HSD17B1: variants seen among roughly 807,000 people sequenced by gnomAD.
HSD17B1 encodes 17-beta-hydroxysteroid dehydrogenase type 1.
HSD17B1 carries 16 observed loss-of-function variants against 22.7 expected under a neutral mutation model. That is an observed-to-expected ratio of 0.71 (90% confidence interval 0.48 to 1.07). HSD17B1 has a LOEUF of 1.07. Among genes scored for constraint, HSD17B1 ranks in the 50% least tolerant of loss-of-function variants. HSD17B1 has a pLI of 0.00. For synonymous variants in HSD17B1, 243 were observed against 211.0 expected (o/e 1.15, Z -1.31); for missense variants, 533 against 459.9 (o/e 1.16, Z -1.45).
intron 4 of HSD17B1, 124 bp downstream of exon 4, chr17:42,554,011 G>C: frequency 3.4e-6 from 3 of 874,866 alleles, no homozygotes; most frequent in Admixed American, 2.0e-5. Flanking sequence ...CACATTAGCT[G>C]TGTGCCAGGC....
At chr17:42,553,362 G>C (rs1373107559) in intron 2 of HSD17B1, 71 bp downstream of exon 2, 3 of 1,604,166 alleles carry the variant, frequency 1.9e-6, no homozygotes, top group South Asian at 2.2e-5. Flanking sequence ...CATGTTCCCA[G>C]GCCCAGGGAG....
rs1440472237 is a variant in HSD17B1 at position 42,554,153 on chromosome 17, C to G, written c.540-252C>G. The stretch of plus-strand genomic sequence containing the variant: ...CCAAGGTCACACAGCGGCCAGGGAC[C>G]CCGCTAGATTCGAATCCTGACACCA... On this transcript the variant is annotated intron_variant, in intron 4 of 5. Transcript: ENST00000585807. 4.6e-6 allele frequency: 3 copies of G among 653,714 alleles called. No homozygotes were observed. The African/African-American group carries it at 5.5e-5, about 12-fold the overall frequency. The allele number at this position is 653,714 out of a possible 1,614,324, so 40.5% of individuals were successfully genotyped here.
intron 4 of HSD17B1, 183 bp from the exon 5 acceptor site, chr17:42,554,222 G>A: frequency 1.2e-6 from 1 of 869,444 alleles, no homozygotes; most frequent in Non-Finnish European, 1.7e-6. Flanking sequence ...GGCTGCTCCG[G>A]CAGGAACCCG....
In HSD17B1 at chr17:42,552,981, C is replaced by A; in HGVS notation, c.48C>A (p.Gly16=). 6.2e-7 allele frequency: 1 copy of A among 1,614,188 alleles called. No homozygotes were observed. The highest frequency in any genetic ancestry group is 1.3e-5 in the African/African-American group (1 of 75,074). ...VLITGCSSGI[G]LHLAVRLASD... is the part of the protein sequence containing the mutation. ...TCACCGGCTGTTCCTCGGGCATCGG[C>A]CTGCACTTGGCCGTACGTCTGGCTT... Residue 16 remains glycine (G), a synonymous_variant, in exon 1 of 6, where the codon GGC becomes GGA. Transcript: ENST00000585807.
In HSD17B1 at chr17:42,553,892, G is replaced by A; in HGVS notation, c.539+5G>A. 6.2e-7 allele frequency: 1 copy of A among 1,609,770 alleles called. No homozygotes were observed. The highest frequency in any genetic ancestry group is 1.7e-5 in the Admixed American group (1 of 59,760). On this transcript the variant is annotated splice_donor_5th_base_variant and intron_variant, in intron 4 of 5. Coordinates refer to ENST00000585807, the MANE Select transcript of HSD17B1 (RefSeq NM_000413.4). ...GCTGCTGCCCTTTGGGGTCCAGTGA[G>A]TCAACACCCCCGTTCCCCGAACCCT...
chr17:42,553,468 CCGCTGGAGG>C lies in HSD17B1; in HGVS notation c.302_310del (p.Glu101_Leu103del), dbSNP rs768494881. The C allele has an allele frequency of 5.6e-5, 90 of 1,613,318 alleles. No individual in the cohort carries two copies. Among genetic ancestry groups the C allele is most frequent in the Non-Finnish European group, 6.5e-5 (77 of 1,179,860 alleles). The stretch of plus-strand genomic sequence containing the variant: ...TAACGCAGGCCTGGGCCTGCTGGGG[CCGCTGGAGG>C]CGCTGGGGGAGGACGCCGTGGCCTC... On this transcript the variant is annotated inframe_deletion, in exon 3 of 6. Coordinates refer to ENST00000585807, the MANE Select transcript of HSD17B1 (RefSeq NM_000413.4).
intron 4 of HSD17B1, 125 bp from the exon 5 acceptor site, chr17:42,554,280 C>G: frequency 7.4e-7 from 1 of 1,343,672 alleles, no homozygotes; most frequent in Non-Finnish European, 9.9e-7. Flanking sequence ...GCCTCACTTC[C>G]CAGCGCAGCG....
At position 42,554,217 on chromosome 17, in the gene HSD17B1, C is replaced by T. The variant is rs2092954614; in HGVS notation, c.540-188C>T. On this transcript the variant is annotated intron_variant, in intron 4 of 5. Transcript: ENST00000585807. ...GCCTCAGATGGATTTGGGAGGGCTG[C>T]TCCGGCAGGAACCCGCGTTTCAAAT... 1.3e-5 allele frequency: 11 copies of T among 838,288 alleles called. No homozygotes were observed. In the South Asian group the frequency reaches 2.0e-4, roughly 15 times the overall value. The allele number at this position is 838,288 out of a possible 1,614,324, so 51.9% of individuals were successfully genotyped here.
Position 42,553,582 on chromosome 17 carries a change from C to A in HSD17B1, c.409C>A (p.Arg137Ser), listed in dbSNP as rs150450030. 4.3e-6 allele frequency: 7 copies of A among 1,611,808 alleles called. No individual in the cohort carries two copies. The South Asian group carries it at 4.4e-5, about 10-fold the overall frequency. ...AGACATGAAGAGGCGCGGTTCGGGA[C>A]GCGTGTTGGTGACCGGGAGCGTGGG... ...LPDMKRRGSG[R>S]VLVTGSVGGL... Residue 137 changes from arginine (R) to serine (S), a missense_variant, in exon 3 of 6, where the codon CGC becomes AGC. Coordinates refer to ENST00000585807, the MANE Select transcript of HSD17B1 (RefSeq NM_000413.4).
chr17:42,552,970 T>C lies in HSD17B1; in HGVS notation c.37T>C (p.Ser13Pro). Residue 13 changes from serine (S) to proline (P), a missense_variant, in exon 1 of 6, where the codon TCG becomes CCG. By Grantham distance (74) the Ser-to-Pro change is moderately conservative (BLOSUM62 -1). Transcript: ENST00000585807. The stretch of plus-strand genomic sequence containing the variant: ...CGTGGTGCTCATCACCGGCTGTTCC[T>C]CGGGCATCGGCCTGCACTTGGCCGT... The part of the protein sequence containing the change: ...RTVVLITGCS[S>P]GIGLHLAVRL... 1 of 1,614,096 alleles carries C rather than the reference T, an allele frequency of 6.2e-7. No homozygotes were observed. Among genetic ancestry groups the C allele is most frequent in the South Asian group, 1.1e-5 (1 of 91,078 alleles).
chr17:42,553,612 T>C lies in HSD17B1; in HGVS notation c.439T>C (p.Leu147=). 3 of 1,606,732 alleles carry C rather than the reference T, an allele frequency of 1.9e-6. No homozygotes were observed. The highest frequency in any genetic ancestry group is 1.1e-5 in the South Asian group (1 of 89,964). ...GTTGGTGACCGGGAGCGTGGGAGGA[T>C]TGATGGGTGAGTGGTAGGGAGTGGC... The part of the protein sequence containing the change: ...RVLVTGSVGG[L]MGLPFNDVYC... Residue 147 remains leucine (L), a synonymous_variant, in exon 3 of 6, where the codon TTG becomes CTG. Transcript: ENST00000585807.
At chr17:42,553,070 G>A (rs1271901962) in intron 1 of HSD17B1, 40 bp downstream of exon 1, 1 of 1,614,044 alleles carries the variant, frequency 6.2e-7, no homozygotes, top group Admixed American at 1.7e-5. Flanking sequence ...GAAGGGAGGA[G>A]CCCTTGGAGG....
chr17:42,553,782 T>C lies in HSD17B1; in HGVS notation c.446-12T>C, dbSNP rs751968719. 1.2e-6 allele frequency: 2 copies of C among 1,612,158 alleles called. No homozygotes were observed. The highest frequency in any genetic ancestry group is 2.7e-5 in the African/African-American group (2 of 74,892). On this transcript the variant is annotated splice_polypyrimidine_tract_variant and intron_variant, in intron 3 of 5. Transcript: ENST00000585807. ...GCCGCTGCGCCTCAGGAACCTCGTC[T>C]CCCCACCTAAGGGCTGCCTTTCAAT...
chr17:42,553,743 G>A (rs768702899), intron 3 of HSD17B1, 51 bp from the exon 4 acceptor site: 2 of 1,601,590 alleles, frequency 1.2e-6, no homozygotes, highest in Non-Finnish European at 1.7e-6. Flanking sequence ...CGTCTGCCCG[G>A]GGATGACCCC....
chr17:42,555,027 G>C lies in HSD17B1; in HGVS notation c.*89G>C, dbSNP rs2092958917. On this transcript the variant is annotated 3_prime_UTR_variant, in exon 6 of 6. Coordinates refer to ENST00000585807, the MANE Select transcript of HSD17B1 (RefSeq NM_000413.4). ...GATGGGGCGGCGGTAGCAGCTGTGG[G>C]TGGCTAATTAAGATAGATCGCGTTA... 7.1e-7 allele frequency: 1 copy of C among 1,411,658 alleles called. No homozygotes were observed. The highest frequency in any genetic ancestry group is 9.2e-7 in the Non-Finnish European group (1 of 1,089,686). The allele number at this position is 1,411,658 out of a possible 1,614,324, so 87.4% of individuals were successfully genotyped here. A position where few individuals can be genotyped will look rare whatever the true frequency, so the allele number is the denominator to read the frequency against.
rs1330359490 is a variant in HSD17B1, at chr17:42,553,790, T to C, written c.446-4T>C. On this transcript the variant is annotated splice_region_variant and splice_polypyrimidine_tract_variant and intron_variant, in intron 3 of 5. Coordinates refer to ENST00000585807, the MANE Select transcript of HSD17B1 (RefSeq NM_000413.4). ...GCCTCAGGAACCTCGTCTCCCCACCTAAGGGCTGCCTTTCAATGACGTTTA... is the reference window on the plus strand; with the variant it reads ...GCCTCAGGAACCTCGTCTCCCCACCCAAGGGCTGCCTTTCAATGACGTTTA... 15 of 1,612,882 alleles carry C rather than the reference T, an allele frequency of 9.3e-6. No individual in the cohort carries two copies. Among genetic ancestry groups the C allele is most frequent in the Admixed American group, 3.3e-5 (2 of 59,848 alleles).
chr17:42,555,038 A>T lies in HSD17B1; in HGVS notation c.*100A>T. 1 of 1,397,844 alleles carries T rather than the reference A, an allele frequency of 7.2e-7. No individual in the cohort carries two copies. The highest frequency in any genetic ancestry group is 9.2e-7 in the Non-Finnish European group (1 of 1,082,372). The allele number at this position is 1,397,844 out of a possible 1,614,324, so 86.6% of individuals were successfully genotyped here. On this transcript the variant is annotated 3_prime_UTR_variant, in exon 6 of 6. Coordinates refer to ENST00000585807, the MANE Select transcript of HSD17B1 (RefSeq NM_000413.4). ...GGTAGCAGCTGTGGGTGGCTAATTA[A>T]GATAGATCGCGTTAGCCAGTTTTAC...
In HSD17B1 at chr17:42,554,385, C is replaced by G. The variant is rs367544499; in HGVS notation, c.540-20C>G. The stretch of plus-strand genomic sequence containing the variant: ...TGGCTGGCGTCCGCCCCCTCCCACT[C>G]GTTGCTCTCCGGCCAGCAGCTTGAG... On this transcript the variant is annotated intron_variant, in intron 4 of 5. Transcript: ENST00000585807. The G allele has an allele frequency of 6.3e-7, 1 of 1,583,722 alleles. No homozygotes were observed. Among genetic ancestry groups the G allele is most frequent in the African/African-American group, 1.3e-5 (1 of 74,194 alleles).
At chr17:42,554,347 T>A in intron 4 of HSD17B1, 58 bp from the exon 5 acceptor site, 1 of 1,515,748 alleles carries the variant, frequency 6.6e-7, no homozygotes, top group Non-Finnish European at 8.9e-7. Context: ...GGGTTGGGGC[T>A]GGGACTGGGG....
Sources: allele counts gnomAD v4.1 joint callset, GRCh38; gene constraint gnomAD v4.1.1; transcripts MANE v1.5; gene names NCBI Gene and HGNC (gene_info 2026-07-23, HGNC 2026-07-21).